The following KANK4 variants were observed in gnomAD, a reference collection of about 807,000 sequenced individuals.
KANK4 encodes KN motif and ankyrin repeat domain-containing protein 4.
Under a neutral mutation model 80.8 loss-of-function variants are expected in KANK4, and 50 were observed. The ratio of observed to expected loss-of-function variants is 0.62; its 90% CI spans 0.49 to 0.78. The LOEUF (loss-of-function observed/expected upper bound fraction) is 0.78. KANK4 is among the 30% of genes least tolerant of loss of function. KANK4 has a pLI of 0.00. For synonymous variants in KANK4, 465 were observed against 506.9 expected, an observed-to-expected ratio of 0.92 and a Z score of 1.11; for missense variants, 1,196 against 1,240.1, an observed-to-expected ratio of 0.96 and a Z score of 0.53.
At chr1:62,250,988 C>T (rs1671603013) in intron 8 of KANK4, among the ~76,000 whole-genome samples, 1 of 152,180 alleles carries the variant, frequency 6.6e-6, no homozygotes, top group African/African-American at 2.4e-5. Flanking sequence ...AAGTCTCTTG[C>T]TTTTTTGCAC....
At chr1:62,304,013 A>G (rs1185762325) in intron 1 of KANK4, among the ~76,000 whole-genome samples, 1 of 151,938 alleles carries the variant, frequency 6.6e-6, no homozygotes, top group Non-Finnish European at 1.5e-5. Flanking sequence ...AGCTGGGACT[A>G]CAGGCACACA....
chr1:62,292,124 C>T (rs766900276), intron 1 of KANK4, among the ~76,000 whole-genome samples: 1 of 152,152 alleles, frequency 6.6e-6, no homozygotes, highest in Non-Finnish European at 1.5e-5. Flanking sequence ...GAGGACACTG[C>T]CTACAAATGG....
intron 3 of KANK4, 35 bp from the exon 4 acceptor site, chr1:62,271,624 T>C (rs1183415562): frequency 1.3e-6 from 2 of 1,489,446 alleles, no homozygotes; most frequent in Admixed American, 1.7e-5. Flanking sequence ...TAGAATGATC[T>C]TGGGGATGCA....
At chr1:62,238,480 A>G in intron 9 of KANK4, 99 bp from the exon 10 acceptor site, 7 of 961,762 alleles carry the variant, frequency 7.3e-6, no homozygotes, top group South Asian at 5.8e-5. Flanking sequence ...CCTGGGACAC[A>G]GGTGTCTATT....
chr1:62,249,320 G>C (rs114036328), intron 8 of KANK4, among the ~76,000 whole-genome samples: 2,752 of 150,736 alleles, frequency 0.018, 30 homozygotes, highest in Non-Finnish European at 0.03. Flanking sequence ...TCTTAATTTT[G>C]TTATATACAC....
At chr1:62,294,287 T>C (rs1325738) in intron 1 of KANK4, among the ~76,000 whole-genome samples, 95,330 of 152,076 alleles carry the variant, frequency 0.63, 30,494 homozygotes, top group African/African-American at 0.74. Context: ...GAAACCACAA[T>C]TTGGAGTAAA....
chr1:62,255,665 T>C (rs921564715), intron 7 of KANK4, among the ~76,000 whole-genome samples: 3 of 151,086 alleles, frequency 2.0e-5, no homozygotes, highest in African/African-American at 7.3e-5. Context: ...TATTTATTTA[T>C]TTATTGAGAC....
chr1:62,313,427 T>C (rs559697115), intron 1 of KANK4, among the ~76,000 whole-genome samples: 83 of 152,320 alleles, frequency 5.4e-4, no homozygotes, highest in Admixed American at 1.2e-3. Flanking sequence ...TGAAGTTTAG[T>C]AAACTTGAAT....
chr1:62,273,089 C>A, intron 3 of KANK4, 115 bp downstream of exon 3: 1 of 729,394 alleles, frequency 1.4e-6, no homozygotes, highest in South Asian at 3.7e-5. Flanking sequence ...CTGCTCCCAG[C>A]TGCTAAAATC....
intron 1 of KANK4, among the ~76,000 whole-genome samples, chr1:62,302,558 T>C (rs1644420589): frequency 6.6e-6 from 1 of 151,990 alleles, no homozygotes; most frequent in Non-Finnish European, 1.5e-5. Context: ...TATTAGGAGA[T>C]AGGGATTTGG....
intron 2 of KANK4, among the ~76,000 whole-genome samples, chr1:62,275,359 G>A (rs1672284543): frequency 6.6e-6 from 1 of 152,168 alleles, no homozygotes; most frequent in African/African-American, 2.4e-5. Context: ...GGTTTCTACT[G>A]GGGAATCTGC....
At chr1:62,273,118 T>C (rs573065292) in intron 3 of KANK4, 86 bp downstream of exon 3, 10 of 969,040 alleles carry the variant, frequency 1.0e-5, no homozygotes, top group African/African-American at 9.9e-5. Context: ...AACATGTTAA[T>C]ATAATTGAAA....
intron 1 of KANK4, among the ~76,000 whole-genome samples, chr1:62,298,989 C>T (rs1251766125): frequency 6.6e-6 from 1 of 151,776 alleles, no homozygotes; most frequent in East Asian, 1.9e-4. Flanking sequence ...GGCTTAGTAA[C>T]TTGGTCATAG....
rs183184970 is a variant in KANK4 at position 62,315,639 on chromosome 1, A to T, written c.-71+3467T>A. ...TTGAGTCCCCCCGCCCACAGATGAC[A>T]TAACTTGCACAACATCAGAGTTTTA... On this transcript the variant is annotated intron_variant, in intron 1 of 9. Coordinates refer to ENST00000371153, the MANE Select transcript of KANK4 (RefSeq NM_181712.5). Among the ~76,000 whole-genome samples, 19 of 152,330 alleles carry T rather than the reference A, an allele frequency of 1.2e-4. No homozygotes were observed. The East Asian group carries it at 3.7e-3, about 29-fold the overall frequency.
In KANK4 at chr1:62,306,340, T is replaced by C. The variant is rs556217759; in HGVS notation, c.-71+12766A>G. On this transcript the variant is annotated intron_variant, in intron 1 of 9. Coordinates refer to ENST00000371153, the MANE Select transcript of KANK4 (RefSeq NM_181712.5). ...GACATAATTAATGACTTGCAATATG[T>C]TCAAGATGGAGTATGAGGAAAAAAA... is the stretch of plus-strand genomic sequence containing the variant. Among the ~76,000 whole-genome samples the C allele has an allele frequency of 1.1e-4, 17 of 152,272 alleles. No individual in the cohort carries two copies. In the South Asian group the frequency reaches 3.3e-3, roughly 30 times the overall value.
chr1:62,271,831 T>C (rs1672170775), intron 3 of KANK4: 1 of 427,110 alleles, frequency 2.3e-6, no homozygotes, highest in South Asian at 2.5e-5. Flanking sequence ...AAGAACCATG[T>C]GGCGTAGGTG....
At chr1:62,245,683 ATAAG>A (rs1444018224) in intron 9 of KANK4, among the ~76,000 whole-genome samples, 2 of 152,200 alleles carry the variant, frequency 1.3e-5, no homozygotes, top group Admixed American at 1.3e-4. Context: ...CTGTTTTCTC[ATAAG>A]TAAAAAGTGG....
rs77719623 is a variant in KANK4 at position 62,316,155 on chromosome 1, C to A, written c.-71+2951G>T. ...TCTCAATGGTCCACCAAGGGCGTCC[C>A]CCAGTCTGGCCCACATGGCCCAATC... On this transcript the variant is annotated intron_variant, in intron 1 of 9. Transcript: ENST00000371153. Among the ~76,000 whole-genome samples, 1,153 of 152,326 alleles carry A rather than the reference C, an allele frequency of 7.6e-3. 16 individuals are homozygous for A. Among genetic ancestry groups the A allele is most frequent in the African/African-American group, 0.027 (1,117 of 41,560 alleles).
At chr1:62,283,460 C>T (rs185165494) in intron 1 of KANK4, among the ~76,000 whole-genome samples, 111 of 152,258 alleles carry the variant, frequency 7.3e-4, no homozygotes, top group Non-Finnish European at 1.4e-3. Flanking sequence ...CAAGTCTAGC[C>T]GACTCCAAGC....
Sources: allele counts gnomAD v4.1 joint callset (sites outside exome capture counted in the v4.1 genomes callset), GRCh38; gene constraint gnomAD v4.1.1; transcripts MANE v1.5; gene names NCBI Gene and HGNC (gene_info 2026-07-23, HGNC 2026-07-21).